PTPRD: variants seen among roughly 807,000 people sequenced by gnomAD.
The protein encoded by PTPRD is protein tyrosine phosphatase receptor type D.
PTPRD carries 34 observed loss-of-function variants against 214.5 expected under a neutral mutation model. That is an observed-to-expected ratio of 0.16 (90% CI 0.12 to 0.21). The LOEUF is 0.21. PTPRD is among the 10% of genes least tolerant of loss of function. The probability of loss-of-function intolerance (pLI) is 1.00; values close to 1 mark genes in which losing one functional copy is unlikely to be tolerated. For missense variants in PTPRD, 2,545 were observed against 2,398.7 expected, an observed-to-expected ratio of 1.06 and a Z score of -1.27; for synonymous variants, 1,128 against 845.7, an observed-to-expected ratio of 1.33 and a Z score of -5.79.
intron 2 of PTPRD, among the ~76,000 whole-genome samples, chr9:10,601,920 T>A (rs945037748): frequency 1.3e-5 from 2 of 151,714 alleles, no homozygotes; most frequent in African/African-American, 4.8e-5. Flanking sequence ...CAGAAGACCT[T>A]AGGGAAGAAA....
intron 2 of PTPRD, among the ~76,000 whole-genome samples, chr9:10,503,855 A>G (rs371181623): frequency 2.1e-4 from 32 of 151,834 alleles, no homozygotes; most frequent in East Asian, 5.9e-4. Context: ...GGGGGCTCAC[A>G]CCTGTAATCC....
chr9:9,387,379 ATTAAG>A (rs960981473), intron 9 of PTPRD, among the ~76,000 whole-genome samples: 5 of 152,112 alleles, frequency 3.3e-5, no homozygotes, highest in Non-Finnish European at 7.4e-5. Flanking sequence ...TTAGATTTTA[ATTAAG>A]TTATTTCTTT....
chr9:10,409,055 T>C (rs964142049), intron 2 of PTPRD, among the ~76,000 whole-genome samples: 1 of 151,724 alleles, frequency 6.6e-6, no homozygotes, highest in Non-Finnish European at 1.5e-5. Context: ...AGCCTGTTTT[T>C]GTACCTCCAA....
chr9:9,001,367 AGATT>A (rs2099417608), intron 11 of PTPRD, among the ~76,000 whole-genome samples: 1 of 152,030 alleles, frequency 6.6e-6, no homozygotes, highest in African/African-American at 2.4e-5. Flanking sequence ...AGACTCTGAC[AGATT>A]GAGTTACCTG....
rs1237403182 is a variant in PTPRD, at chr9:10,594,991, AG to A, written c.-600+17406del. On this transcript the variant is annotated intron_variant, in intron 2 of 45. Transcript: ENST00000381196. ...AACTTCGGAGACATTTTCCCCCCAAAGCTCAATGACAGGTTGACTTAATTAT... is the reference window on the plus strand; with the variant it reads ...AACTTCGGAGACATTTTCCCCCCAAACTCAATGACAGGTTGACTTAATTAT... 2.0e-5 allele frequency among the ~76,000 whole-genome samples: 3 copies of A among 148,202 alleles called. No individual in the cohort carries two copies. In the East Asian group the frequency reaches 6.0e-4, roughly 30 times the overall value.
At chr9:10,551,368 A>G (rs949554990) in intron 2 of PTPRD, among the ~76,000 whole-genome samples, 1 of 152,096 alleles carries the variant, frequency 6.6e-6, no homozygotes, top group Non-Finnish European at 1.5e-5. Context: ...TAAAAATTAC[A>G]TATTTACCAC....
Position 8,598,356 on chromosome 9 carries a change from G to A in PTPRD, c.352+34961C>T, listed in dbSNP as rs113384301. Among the ~76,000 whole-genome samples, 1,035 of 152,132 alleles carry A rather than the reference G, an allele frequency of 6.8e-3. 13 individuals are homozygous for A. Among genetic ancestry groups the A allele is most frequent in the African/African-American group, 0.022 (921 of 41,478 alleles). On this transcript the variant is annotated intron_variant, in intron 14 of 45. Transcript: ENST00000381196. ...GGTCCCAGGTATCCCAGTTACTCGG[G>A]AGGCTGAGGCAGGAGAATTGCTTAA... is the stretch of plus-strand genomic sequence containing the variant.
chr9:9,065,778 T>C (rs541730831), intron 10 of PTPRD, among the ~76,000 whole-genome samples: 1 of 152,274 alleles, frequency 6.6e-6, no homozygotes, highest in African/African-American at 2.4e-5. Flanking sequence ...TCTGGAAGGC[T>C]TCCAGAGTTT....
intron 2 of PTPRD, among the ~76,000 whole-genome samples, chr9:10,468,833 T>A (rs953425966): frequency 2.6e-5 from 4 of 152,044 alleles, no homozygotes; most frequent in Admixed American, 2.6e-4. Flanking sequence ...GGTGGAATAT[T>A]ATCCAATGAA....
chr9:9,700,121 T>A (rs567555137), intron 7 of PTPRD, among the ~76,000 whole-genome samples: 1 of 152,284 alleles, frequency 6.6e-6, no homozygotes, highest in South Asian at 2.1e-4. Flanking sequence ...GGTACTGAAC[T>A]ATATATTTTT....
At chr9:9,944,728 G>A (rs1420616656) in intron 4 of PTPRD, among the ~76,000 whole-genome samples, 1 of 151,940 alleles carries the variant, frequency 6.6e-6, no homozygotes, top group Non-Finnish European at 1.5e-5. Context: ...TTGAATGAGG[G>A]AAAGACATGA....
chr9:8,477,586 T>G (rs2096790491), intron 30 of PTPRD, among the ~76,000 whole-genome samples: 3 of 151,706 alleles, frequency 2.0e-5, no homozygotes, highest in Non-Finnish European at 4.4e-5. Context: ...CGTCTAGGAG[T>G]TTAATGATGA....
chr9:8,331,877 C>T, intron 43 of PTPRD, 141 bp from the exon 44 acceptor site: 1 of 980,836 alleles, frequency 1.0e-6, no homozygotes, highest in East Asian at 2.8e-5. Context: ...TAAATAGAAA[C>T]TTAGTTATGG....
At chr9:10,555,573 A>G (rs2062366461) in intron 2 of PTPRD, among the ~76,000 whole-genome samples, 1 of 152,188 alleles carries the variant, frequency 6.6e-6, no homozygotes, top group South Asian at 2.1e-4. Flanking sequence ...AGATTAGGGT[A>G]AACCAGTCTC....
chr9:10,478,024 T>G (rs1225757052), intron 2 of PTPRD, among the ~76,000 whole-genome samples: 1 of 151,070 alleles, frequency 6.6e-6, no homozygotes, highest in Non-Finnish European at 1.5e-5. Flanking sequence ...AAATACCTAA[T>G]GCATGTGGGG....
intron 10 of PTPRD, among the ~76,000 whole-genome samples, chr9:9,128,272 A>G (rs557846185): frequency 3.9e-5 from 6 of 152,304 alleles, no homozygotes; most frequent in Middle Eastern, 3.4e-3. Context: ...ATATTTCAAA[A>G]TATTTAGGTC....
intron 6 of PTPRD, among the ~76,000 whole-genome samples, chr9:9,741,995 G>T (rs943142278): frequency 4.6e-5 from 7 of 152,080 alleles, no homozygotes; most frequent in East Asian, 3.9e-4. Context: ...TGGGTCAAAT[G>T]GTATTTCCGG....
At chr9:10,439,210 T>C (rs1236651737) in intron 2 of PTPRD, among the ~76,000 whole-genome samples, 1 of 150,386 alleles carries the variant, frequency 6.6e-6, no homozygotes, top group Non-Finnish European at 1.5e-5. Flanking sequence ...CTCCGGCATG[T>C]TTTGTGTCAC....
intron 7 of PTPRD, among the ~76,000 whole-genome samples, chr9:9,662,653 C>T (rs139490168): frequency 0.011 from 1,604 of 151,660 alleles, 31 homozygotes; most frequent in African/African-American, 0.037. Flanking sequence ...GGGAAATGTG[C>T]TCAGTACAAA....
Sources: allele counts gnomAD v4.1 joint callset (sites outside exome capture counted in the v4.1 genomes callset), GRCh38; gene constraint gnomAD v4.1.1; transcripts MANE v1.5; gene names NCBI Gene and HGNC (gene_info 2026-07-23, HGNC 2026-07-21).